Variants in LONP2 observed in about 807,000 individuals in gnomAD.
LONP2 encodes lon peptidase 2, peroxisomal, also known as lon protease homolog 2, peroxisomal.
A neutral mutation model predicts 85.6 loss-of-function variants in LONP2; 60 were observed. That is an observed-to-expected ratio of 0.70 (90% CI 0.57 to 0.87). LONP2 has a LOEUF of 0.87. LONP2 is among the 40% of genes least tolerant of loss of function. The pLI is 0.00. For synonymous variants in LONP2, 395 were observed against 389.7 expected, an observed-to-expected ratio of 1.01 and a Z score of -0.16; for missense variants, 860 against 1,063.5, an observed-to-expected ratio of 0.81 and a Z score of 2.66.
chr16:48,262,157 A>G (rs1971891869), intron 5 of LONP2, among the ~76,000 whole-genome samples: 1 of 152,218 alleles, frequency 6.6e-6, no homozygotes, highest in African/African-American at 2.4e-5. Flanking sequence ...TAATATATGT[A>G]GAACATTTAT....
intron 7 of LONP2, 97 bp downstream of exon 7, chr16:48,270,371 T>C: frequency 7.7e-7 from 1 of 1,300,978 alleles, no homozygotes. Flanking sequence ...CTATTTTCCT[T>C]AAAGGGCTAT....
Position 48,348,155 on chromosome 16 carries a change from T to TGG in LONP2, c.2203_2204dup (p.Ala736GlufsTer14), listed in dbSNP as rs866521046. On this transcript the variant is annotated frameshift_variant, in exon 14 of 15. Transcript: ENST00000285737. LOFTEE classifies it high-confidence loss of function. ...CAGACATCCATCTGCACTTCCCAGC[T>TGG]GGAGCTGTCACAAAAGATGGACCAT... is the stretch of plus-strand genomic sequence containing the variant. The TGG allele has an allele frequency of 8.1e-6, 13 of 1,612,054 alleles. No homozygotes were observed. The highest frequency in any genetic ancestry group is 1.1e-5 in the Non-Finnish European group (13 of 1,179,628).
At position 48,262,808 on chromosome 16, in the gene LONP2, A is replaced by AT; in HGVS notation, c.919dup (p.Tyr307LeufsTer5). ...AAAAAATGCCTCAGTCAATGCCAGA[A>AT]TATGCTCTGACTAGAAATTATTTGG... On this transcript the variant is annotated frameshift_variant, in exon 6 of 15. Transcript: ENST00000285737. LOFTEE classifies it high-confidence loss of function. 1.9e-6 allele frequency: 3 copies of AT among 1,612,304 alleles called. No individual in the cohort carries two copies. The highest frequency in any genetic ancestry group is 2.5e-6 in the Non-Finnish European group (3 of 1,179,030).
At chr16:48,277,698 T>A (rs964163251) in intron 8 of LONP2, among the ~76,000 whole-genome samples, 1 of 152,112 alleles carries the variant, frequency 6.6e-6, no homozygotes, top group Non-Finnish European at 1.5e-5. Flanking sequence ...TGTATTTTAA[T>A]CAGATAGTTT....
rs1382700516 is a variant in LONP2, at chr16:48,355,125, G to C, written c.*3323G>C. ...GAACATGGGTGTACACATCTCTCTT[G>C]AAGTCCCTTCTTAGGTCCTTTAGGG... On this transcript the variant is annotated 3_prime_UTR_variant, in exon 15 of 15. Transcript: ENST00000285737. 3 of 151,916 alleles carry C rather than the reference G, an allele frequency of 2.0e-5. No homozygotes were observed. The highest frequency in any genetic ancestry group is 7.3e-5 in the African/African-American group (3 of 41,334). 9.4% of individuals were successfully genotyped at this position (151,916 alleles called of 1,614,324 possible).
At chr16:48,298,902 CT>C (rs914507785) in intron 9 of LONP2, among the ~76,000 whole-genome samples, 82 of 144,354 alleles carry the variant, frequency 5.7e-4, no homozygotes, top group Non-Finnish European at 5.2e-4. Flanking sequence ...ATTTCTTTTT[CT>C]TTTTTTTTTT....
intron 12 of LONP2, among the ~76,000 whole-genome samples, chr16:48,338,988 GA>G (rs1440381582): frequency 6.6e-6 from 1 of 152,134 alleles, no homozygotes; most frequent in Non-Finnish European, 1.5e-5. Context: ...TTGCTCAGAG[GA>G]AATACCCAAG....
rs1356477526 is a variant in LONP2 at position 48,356,248 on chromosome 16, G to A, written c.*4446G>A. ...ATTCACAGTGACCAAAATCAGCTAT[G>A]TGGCCAGGTAATTCACTGCTGAGGG... On this transcript the variant is annotated 3_prime_UTR_variant, in exon 15 of 15. Transcript: ENST00000285737. 2 of 152,652 alleles carry A rather than the reference G, an allele frequency of 1.3e-5. No homozygotes were observed. The highest frequency in any genetic ancestry group is 2.9e-5 in the Non-Finnish European group (2 of 68,404). 9.5% of individuals were successfully genotyped at this position (152,652 alleles called of 1,614,324 possible).
intron 12 of LONP2, among the ~76,000 whole-genome samples, chr16:48,341,254 C>T (rs1256700165): frequency 6.6e-6 from 1 of 152,048 alleles, no homozygotes; most frequent in Admixed American, 6.5e-5. Context: ...GAGCTGAGAT[C>T]GTGCCACTGC....
In LONP2 at chr16:48,258,364, A is replaced by G. The variant is rs184174306; in HGVS notation, c.601-254A>G. On this transcript the variant is annotated intron_variant, in intron 3 of 14. Transcript: ENST00000285737. The stretch of plus-strand genomic sequence containing the variant: ...CCGTCTCAAAAAAAAAAAGAAAAAA[A>G]AAAACCACACAGCTTCATTTTAAAG... Among the ~76,000 whole-genome samples, 391 of 152,084 alleles carry G rather than the reference A, an allele frequency of 2.6e-3. 3 individuals are homozygous for G. The highest frequency in any genetic ancestry group is 9.1e-3 in the African/African-American group (378 of 41,500).
intron 6 of LONP2, among the ~76,000 whole-genome samples, chr16:48,267,743 G>A (rs1972021489): frequency 6.6e-6 from 1 of 152,118 alleles, no homozygotes; most frequent in Admixed American, 6.5e-5. Context: ...AGTCTACTGA[G>A]TAGCAGGGAT....
chr16:48,257,544 T>G (rs892310863), intron 3 of LONP2, among the ~76,000 whole-genome samples: 6 of 152,168 alleles, frequency 3.9e-5, no homozygotes, highest in African/African-American at 1.4e-4. Flanking sequence ...AAGTATAGAA[T>G]CCTACATTTA....
intron 12 of LONP2, chr16:48,336,447 C>T (rs1366099043): frequency 2.2e-6 from 1 of 455,938 alleles, no homozygotes; most frequent in Non-Finnish European, 4.4e-6. Context: ...GCGGAGAGAC[C>T]ACCAAACAGG....
chr16:48,326,418 C>T (rs969406020), intron 11 of LONP2, among the ~76,000 whole-genome samples: 12 of 152,100 alleles, frequency 7.9e-5, no homozygotes, highest in Admixed American at 7.9e-4. Flanking sequence ...TTCCTGTTAC[C>T]AGAAAATTTA....
In LONP2 at chr16:48,244,519, G is replaced by A. The variant is rs754438702; in HGVS notation, c.131G>A (p.Ser44Asn). The A allele has an allele frequency of 1.8e-5, 29 of 1,586,732 alleles. No individual in the cohort carries two copies. Among genetic ancestry groups the A allele is most frequent in the Middle Eastern group, 1.7e-4 (1 of 6,048 alleles). ...DSARNLQLVR[S>N]RLLKGTSLQS... ...GCCCGCAACCTGCAGCTGGTGCGGA[G>A]CCGCCTTCTGAAGGGCACGTCGCTG... Residue 44 changes from serine to asparagine, a missense_variant, in exon 1 of 15, where the codon AGC (serine) becomes AAC (asparagine). Around this residue, in one of 3 missense-constraint regions of LONP2, gnomAD observed 743 missense variants for 917.3 expected, o/e 0.81. Coordinates refer to ENST00000285737, the MANE Select transcript of LONP2 (RefSeq NM_031490.5).
downstream of LONP2, chr16:48,361,828 C>T (rs1236275742): frequency 1.2e-6 from 2 of 1,613,988 alleles, no homozygotes; most frequent in African/African-American, 2.7e-5. Context: ...TGCTGGTGAC[C>T]ATCGTATTTT....
rs1276710104 is a variant in LONP2 at position 48,355,578 on chromosome 16, G to T, written c.*3776G>T. The T allele has an allele frequency of 1.1e-4, 16 of 152,152 alleles. No individual in the cohort carries two copies. The highest frequency in any genetic ancestry group is 3.9e-4 in the African/African-American group (16 of 41,430). 9.4% of individuals were successfully genotyped at this position (152,152 alleles called of 1,614,324 possible). ...AGGATAATTCTGTTTAACTTTTTGA[G>T]AACTGCCAAACTTTTCCACCGCAGC... On this transcript the variant is annotated 3_prime_UTR_variant, in exon 15 of 15. Transcript: ENST00000285737.
intron 7 of LONP2, among the ~76,000 whole-genome samples, chr16:48,274,337 G>A (rs1019053167): frequency 7.2e-5 from 11 of 151,962 alleles, no homozygotes; most frequent in South Asian, 2.1e-4. Context: ...GGGATTTATC[G>A]TCTATCTCCT....
chr16:48,297,019 A>C (rs1972687792), intron 9 of LONP2, among the ~76,000 whole-genome samples: 1 of 151,958 alleles, frequency 6.6e-6, no homozygotes, highest in African/African-American at 2.4e-5. Flanking sequence ...TATTTATTTA[A>C]TTATTTAGAG....
Sources: gnomAD v4.1 joint callset for allele counts (sites outside exome capture counted in the v4.1 genomes callset) on GRCh38, gnomAD v4.1.1 for gene constraint, gnomAD v4.1.1 regional missense constraint, MANE v1.5 for transcripts, NCBI Gene and HGNC (gene_info 2026-07-23, HGNC 2026-07-21) for gene names.